Variants in MSI2 observed in about 807,000 individuals in gnomAD.
The protein encoded by MSI2 is musashi RNA binding protein 2, also known as RNA-binding protein Musashi homolog 2.
MSI2 carries 17 observed loss-of-function variants against 45.6 expected under a neutral mutation model. The ratio of observed to expected loss-of-function variants is 0.37; its 90% confidence interval spans 0.26 to 0.56. The LOEUF (loss-of-function observed/expected upper bound fraction) is 0.56, where lower values mean the gene tolerates loss of function less well. MSI2 is among the 20% of genes least tolerant of loss of function. MSI2 has a pLI of 0.77. For missense variants in MSI2, 293 were observed against 444.2 expected (o/e 0.66, Z 3.06); for synonymous variants, 156 against 158.2 (o/e 0.99, Z 0.11).
Position 57,295,992 on chromosome 17 carries a change from C to CTTTTTT in MSI2, c.312+33829_312+33834dup, listed in dbSNP as rs386386327. Among the ~76,000 whole-genome samples the CTTTTTT allele has an allele frequency of 7.0e-4, 27 of 38,656 alleles. 2 individuals are homozygous for CTTTTTT. Among genetic ancestry groups the CTTTTTT allele is most frequent in the African/African-American group, 1.8e-3 (27 of 14,798 alleles). The allele number at this position is 38,656 out of a possible 152,430, so 25.4% of individuals were successfully genotyped here. A position where few individuals can be genotyped will look rare whatever the true frequency, so the allele number is the denominator to read the frequency against. The stretch of plus-strand genomic sequence containing the variant: ...TGAGTTACCAGTTCACGCAGCCTTC[C>CTTTTTT]TTTTTTTTTTTTTTTTTTTTTTTTT... On this transcript the variant is annotated intron_variant, in intron 5 of 13. Coordinates refer to ENST00000284073, the MANE Select transcript of MSI2 (RefSeq NM_138962.4).
intron 10 of MSI2, among the ~76,000 whole-genome samples, chr17:57,644,963 C>T (rs1231513944): frequency 6.6e-6 from 1 of 152,110 alleles, no homozygotes; most frequent in East Asian, 1.9e-4. Flanking sequence ...GCAGTCCACT[C>T]CCAGACCAGT....
intron 6 of MSI2, among the ~76,000 whole-genome samples, chr17:57,450,697 A>AAAG (rs1567831377): frequency 7.2e-6 from 1 of 138,022 alleles, no homozygotes; most frequent in African/African-American, 2.8e-5. Flanking sequence ...AAAAAAAAAA[A>AAAG]GGTGAGTAAA....
chr17:57,465,273 G>A (rs1405728934), intron 6 of MSI2, among the ~76,000 whole-genome samples: 4 of 151,956 alleles, frequency 2.6e-5, no homozygotes. Flanking sequence ...AACAGCCTGA[G>A]CAACATGGCA....
chr17:57,326,898 G>T (rs1033097916), intron 5 of MSI2, among the ~76,000 whole-genome samples: 2 of 152,162 alleles, frequency 1.3e-5, no homozygotes, highest in Non-Finnish European at 2.9e-5. Context: ...TGCAGTGTTT[G>T]TGCCTTCTGG....
In MSI2 at chr17:57,679,689, A is replaced by G. The variant is rs1913484455; in HGVS notation, c.*172A>G. 5 of 774,382 alleles carry G rather than the reference A, an allele frequency of 6.5e-6. No homozygotes were observed. The highest frequency in any genetic ancestry group is 5.4e-5 in the Admixed American group (1 of 18,372). The allele number at this position is 774,382 out of a possible 1,614,324, so 48.0% of individuals were successfully genotyped here. A position where few individuals can be genotyped will look rare whatever the true frequency, so the allele number is the denominator to read the frequency against. On this transcript the variant is annotated 3_prime_UTR_variant, in exon 14 of 14. Coordinates refer to ENST00000284073, the MANE Select transcript of MSI2 (RefSeq NM_138962.4). ...GCTCACTTCGGATCGAGGGTTGACT[A>G]CATCTCATCATCTCACGAATCTGCT...
rs1459778021 is a variant in MSI2 at position 57,312,772 on chromosome 17, T to C, written c.312+50580T>C. Among the ~76,000 whole-genome samples, 2 of 152,178 alleles carry C rather than the reference T, an allele frequency of 1.3e-5. 1 individual carries two copies. The highest frequency in any genetic ancestry group is 2.9e-5 in the Non-Finnish European group (2 of 68,038). ...AATTAATGGGCCTGTTTTGGATCTT[T>C]CTTCCTTAGAACACAGATGTCCAGG... On this transcript the variant is annotated intron_variant, in intron 5 of 13. Coordinates refer to ENST00000284073, the MANE Select transcript of MSI2 (RefSeq NM_138962.4).
chr17:57,313,427 CT>C (rs1192822098), intron 5 of MSI2, among the ~76,000 whole-genome samples: 1 of 152,156 alleles, frequency 6.6e-6, no homozygotes, highest in Admixed American at 6.5e-5. Context: ...AATTGAAGAC[CT>C]TTTGTGTATT....
In MSI2 at chr17:57,627,389, C is replaced by A; in HGVS notation, c.727+86C>A. The A allele has an allele frequency of 9.0e-7, 1 of 1,113,280 alleles. No homozygotes were observed. Among genetic ancestry groups the A allele is most frequent in the Non-Finnish European group, 1.4e-6 (1 of 726,386 alleles). 69.0% of individuals were successfully genotyped at this position (1,113,280 alleles called of 1,614,324 possible). ...GGTGAGAGGACCCCTAAAGAGAATG[C>A]ATTTCTTACATGCATCCACTTGAAA... is the stretch of plus-strand genomic sequence containing the variant. On this transcript the variant is annotated intron_variant, in intron 10 of 13. Coordinates refer to ENST00000284073, the MANE Select transcript of MSI2 (RefSeq NM_138962.4). The surrounding 1 kb of genome is among the most constrained non-coding windows in gnomAD (Gnocchi z 4.6).
chr17:57,327,436 G>A (rs58863331), intron 5 of MSI2, among the ~76,000 whole-genome samples: 15,474 of 152,242 alleles, frequency 0.1, 827 homozygotes, highest in South Asian at 0.12. Context: ...GCTGAGTCCT[G>A]TGGCTTTCAG....
chr17:57,521,048 A>T (rs997443532), intron 6 of MSI2, among the ~76,000 whole-genome samples: 2 of 152,180 alleles, frequency 1.3e-5, no homozygotes, highest in African/African-American at 4.8e-5. Context: ...AGGCTTTCAG[A>T]TGGATGCAAA....
chr17:57,645,888 C>G (rs1276913823), intron 10 of MSI2, among the ~76,000 whole-genome samples: 2 of 152,206 alleles, frequency 1.3e-5, no homozygotes. Flanking sequence ...GCAGGGCACT[C>G]CCATTTGCCA....
At chr17:57,528,104 C>A (rs538691465) in intron 6 of MSI2, among the ~76,000 whole-genome samples, 14 of 150,952 alleles carry the variant, frequency 9.3e-5, no homozygotes, top group African/African-American at 2.4e-4. Flanking sequence ...TTTTACCCCC[C>A]CTACAGCCAC....
At chr17:57,423,666 T>C (rs1210883752) in intron 6 of MSI2, among the ~76,000 whole-genome samples, 1 of 152,216 alleles carries the variant, frequency 6.6e-6, no homozygotes, top group Non-Finnish European at 1.5e-5. Context: ...TCATCTTTCC[T>C]TCTTGACTTC....
At chr17:57,693,776 T>C in the MSI2 span, among the ~76,000 whole-genome samples, 1 of 152,242 alleles carries the variant, frequency 6.6e-6, no homozygotes, top group Non-Finnish European at 1.5e-5. Flanking sequence ...TCATGACTTT[T>C]GATTGAAAGC....
At chr17:57,470,214 C>T (rs2085407835) in intron 6 of MSI2, among the ~76,000 whole-genome samples, 1 of 152,256 alleles carries the variant, frequency 6.6e-6, no homozygotes, top group Non-Finnish European at 1.5e-5. Context: ...TCTCTATCCT[C>T]ACCAGCTTAG....
chr17:57,381,850 G>A (rs917730341), intron 5 of MSI2, among the ~76,000 whole-genome samples: 7 of 151,628 alleles, frequency 4.6e-5, no homozygotes. Flanking sequence ...TAGGTGTAGA[G>A]TCGTGTGAGC....
intron 9 of MSI2, among the ~76,000 whole-genome samples, chr17:57,619,634 C>A (rs1908094999): frequency 6.6e-6 from 1 of 152,192 alleles, no homozygotes; most frequent in African/African-American, 2.4e-5. Flanking sequence ...GGCCCAGGGG[C>A]TCCAGGGTTG....
intron 7 of MSI2, among the ~76,000 whole-genome samples, chr17:57,543,011 T>G (rs1023890345): frequency 1.3e-5 from 2 of 152,246 alleles, no homozygotes; most frequent in African/African-American, 4.8e-5. Flanking sequence ...CATTAATCTA[T>G]GACAAGAGGG....
At chr17:57,269,213 T>C (rs1349893904) in intron 5 of MSI2, among the ~76,000 whole-genome samples, 2 of 152,196 alleles carry the variant, frequency 1.3e-5, no homozygotes, top group African/African-American at 4.8e-5. Context: ...GGGTATGTGC[T>C]GCAGAGTGGC....
Sources: gnomAD v4.1 joint callset for allele counts (sites outside exome capture counted in the v4.1 genomes callset) on GRCh38, gnomAD v4.1.1 for gene constraint, Gnocchi (gnomAD v3.1) non-coding constraint, MANE v1.5 for transcripts, NCBI Gene and HGNC (gene_info 2026-07-23, HGNC 2026-07-21) for gene names.